The following SEPTIN8 variants were observed in gnomAD, a reference collection of about 807,000 sequenced individuals.
SEPTIN8 encodes the protein septin-8.
SEPTIN8 carries 22 observed loss-of-function variants against 53.1 expected under a neutral mutation model. That is an observed-to-expected ratio of 0.41 (90% CI 0.30 to 0.59). The LOEUF is 0.59. Among genes scored for constraint, SEPTIN8 ranks in the 20% least tolerant of loss-of-function variants. SEPTIN8 has a pLI of 0.24. For missense variants in SEPTIN8, 536 were observed against 638.7 expected (o/e 0.84, Z 1.73); for synonymous variants, 228 against 248.4 (o/e 0.92, Z 0.77).
At chr5:132,754,099 G>C (rs1180843898) in intron 9 of SEPTIN8, 1 of 314,728 alleles carries the variant, frequency 3.2e-6, no homozygotes, top group East Asian at 6.6e-5. Context: ...GTATACATCT[G>C]TATTTTTTCT....
Position 132,761,292 on chromosome 5 carries a change from A to G in SEPTIN8, c.963-27T>C, listed in dbSNP as rs1245397644. ...TGTGGAGACCCAGAGAAAAGAGGCC[A>G]AGGATGGGATTATGACGGAATGGGA... On this transcript the variant is annotated intron_variant, in intron 7 of 9. Transcript: ENST00000378719. This position sits in a 1 kb window ranked among gnomAD's most constrained non-coding sequence, Gnocchi z 5.8. 1 of 1,611,678 alleles carries G rather than the reference A, an allele frequency of 6.2e-7. No individual in the cohort carries two copies. The highest frequency in any genetic ancestry group is 1.3e-5 in the African/African-American group (1 of 74,938).
chr5:132,760,071 A>T lies in SEPTIN8; in HGVS notation c.1286+731T>A. On this transcript the variant is annotated intron_variant, in intron 9 of 9. Transcript: ENST00000378719. The surrounding 1 kb of genome is among the most constrained non-coding windows in gnomAD (Gnocchi z 5.2). ...GCAGCTCTTCTCCCCAAAAGAACCC[A>T]CAGAGCCCCTGTGGGAAGCCGCTTT... Among the ~76,000 whole-genome samples, 1 of 151,920 alleles carries T rather than the reference A, an allele frequency of 6.6e-6. No individual in the cohort carries two copies. Among genetic ancestry groups the T allele is most frequent in the East Asian group, 1.9e-4 (1 of 5,150 alleles).
At position 132,764,400 on chromosome 5, in the gene SEPTIN8, T is replaced by C; in HGVS notation, c.171A>G (p.Lys57=). ...TGAAGAGTGTGTTCATCAGTGTGGA[T>C]TTGCCAATGCCGGTCTCCCCTGGGC... ...ILCVGETGIG[K]STLMNTLFNT... The change falls in exon 3 of 10, where the codon AAA becomes AAG. Residue 57 remains lysine (K), a synonymous_variant. Coordinates refer to ENST00000378719, the MANE Select transcript of SEPTIN8 (RefSeq NM_001098811.2). The C allele has an allele frequency of 1.2e-6, 2 of 1,613,666 alleles. No individual in the cohort carries two copies. Among genetic ancestry groups the C allele is most frequent in the Non-Finnish European group, 1.7e-6 (2 of 1,179,776 alleles).
Position 132,751,909 on chromosome 5 carries a change from T to C in SEPTIN8, c.*107A>G, listed in dbSNP as rs1437107468. 1 of 1,531,660 alleles carries C rather than the reference T, an allele frequency of 6.5e-7. No individual in the cohort carries two copies. Among genetic ancestry groups the C allele is most frequent in the Non-Finnish European group, 8.8e-7 (1 of 1,130,956 alleles). 94.9% of individuals were successfully genotyped at this position (1,531,660 alleles called of 1,614,324 possible). A position where few individuals can be genotyped will look rare whatever the true frequency, so the allele number is the denominator to read the frequency against. On this transcript the variant is annotated 3_prime_UTR_variant, in exon 10 of 10. Transcript: ENST00000378719. ...TTTAAATTGTTTGCACTTTTGATCATTGATATAGGAAAAGTATGGCGTTTT... is the reference window on the plus strand; with the variant it reads ...TTTAAATTGTTTGCACTTTTGATCACTGATATAGGAAAAGTATGGCGTTTT...
chr5:132,777,418 C>T (rs1757913136), upstream of SEPTIN8: 1 of 1,000,374 alleles, frequency 1.0e-6, no homozygotes, highest in South Asian at 4.7e-5. The surrounding 1 kb of genome is among the most constrained non-coding windows in gnomAD (Gnocchi z 4.1). Flanking sequence ...GAGGTGCCAG[C>T]TGCGGGGACT....
Position 132,751,983 on chromosome 5 carries a change from C to T in SEPTIN8, c.*33G>A, listed in dbSNP as rs1480430975. 6.2e-7 allele frequency: 1 copy of T among 1,611,448 alleles called. No individual in the cohort carries two copies. Among genetic ancestry groups the T allele is most frequent in the Admixed American group, 1.7e-5 (1 of 59,790 alleles). On this transcript the variant is annotated 3_prime_UTR_variant, in exon 10 of 10. Coordinates refer to ENST00000378719, the MANE Select transcript of SEPTIN8 (RefSeq NM_001098811.2). ...GTCTCCAGTTCCATGCCCTGGTGGT[C>T]CTGAGCTGGCCCCATGTGTTGGAGC...
Position 132,758,816 on chromosome 5 carries a change from G to A in SEPTIN8, c.1286+1986C>T, listed in dbSNP as rs375350369. ...CCACTCTTGACATGTAAGTCTGTGCGTGCGTTAACTGAAAAATAAAAATAA... is the reference window on the plus strand; with the variant it reads ...CCACTCTTGACATGTAAGTCTGTGCATGCGTTAACTGAAAAATAAAAATAA... On this transcript the variant is annotated intron_variant, in intron 9 of 9. Coordinates refer to ENST00000378719, the MANE Select transcript of SEPTIN8 (RefSeq NM_001098811.2). 193 of 1,613,814 alleles carry A rather than the reference G, an allele frequency of 1.2e-4. 1 individual carries two copies. In the South Asian group the frequency reaches 1.8e-3, roughly 15 times the overall value.
Position 132,777,100 on chromosome 5 carries a change from G to A in SEPTIN8, c.30+8C>T, listed in dbSNP as rs1185796002. On this transcript the variant is annotated splice_region_variant and intron_variant, in intron 1 of 9. Transcript: ENST00000378719. This position sits in a 1 kb window ranked among gnomAD's most constrained non-coding sequence, Gnocchi z 4.1. The stretch of plus-strand genomic sequence containing the variant: ...CCCGCGCGCGCCGTGGCCCAGCGGG[G>A]CCCTCACCGAGAAGCGCTCCAGGTC... 9 of 1,151,878 alleles carry A rather than the reference G, an allele frequency of 7.8e-6. No homozygotes were observed. Among genetic ancestry groups the A allele is most frequent in the Non-Finnish European group, 9.6e-6 (9 of 937,278 alleles). 71.4% of individuals were successfully genotyped at this position (1,151,878 alleles called of 1,614,324 possible). A position where few individuals can be genotyped will look rare whatever the true frequency, so the allele number is the denominator to read the frequency against.
At chr5:132,769,211 A>T (rs925166547) in intron 1 of SEPTIN8, among the ~76,000 whole-genome samples, 5 of 152,282 alleles carry the variant, frequency 3.3e-5, no homozygotes, top group Admixed American at 6.5e-5. Context: ...CAGGGGAGGA[A>T]ACTGAAGCAC....
At chr5:132,762,109 G>C (rs947874476) in intron 5 of SEPTIN8, among the ~76,000 whole-genome samples, 20 of 152,146 alleles carry the variant, frequency 1.3e-4, no homozygotes, top group African/African-American at 4.3e-4. Context: ...TGGTGCTCCT[G>C]ATTCTCCAGG....
At chr5:132,756,100 G>A (rs1043437944) in intron 9 of SEPTIN8, 9 of 985,310 alleles carry the variant, frequency 9.1e-6, no homozygotes, top group East Asian at 1.1e-4. Flanking sequence ...GAATTAACAC[G>A]TGAAGCAATT....
chr5:132,758,661 G>C lies in SEPTIN8; in HGVS notation c.1286+2141C>G. The C allele has an allele frequency of 2.5e-6, 4 of 1,592,436 alleles. No individual in the cohort carries two copies. In the South Asian group the frequency reaches 3.4e-5, roughly 13 times the overall value. On this transcript the variant is annotated intron_variant, in intron 9 of 9. Transcript: ENST00000378719. The stretch of plus-strand genomic sequence containing the variant: ...CAGGCCCGGGGCAGCCTGGGGCCAG[G>C]GTCGGTGGGAGGAAAGCAAGGCTGT...
At chr5:132,778,111 C>G (rs1409369871), upstream of SEPTIN8, 2 of 980,288 alleles carry the variant, frequency 2.0e-6, no homozygotes, top group Admixed American at 1.2e-4. Context: ...TCAGGAGGTT[C>G]TGTATCCTTC....
Position 132,757,529 on chromosome 5 carries a change from C to T in SEPTIN8, c.1286+3273G>A, listed in dbSNP as rs1755454650. 11 of 985,406 alleles carry T rather than the reference C, an allele frequency of 1.1e-5. No homozygotes were observed. The South Asian group carries it at 1.4e-4, about 13-fold the overall frequency. 61.0% of individuals were successfully genotyped at this position (985,406 alleles called of 1,614,324 possible). A position where few individuals can be genotyped will look rare whatever the true frequency, so the allele number is the denominator to read the frequency against. On this transcript the variant is annotated intron_variant, in intron 9 of 9. Coordinates refer to ENST00000378719, the MANE Select transcript of SEPTIN8 (RefSeq NM_001098811.2). The stretch of plus-strand genomic sequence containing the variant: ...CTACCAATTCCACAATAAATTAGCA[C>T]GTCTTCCTGAGGCTTCCAGCCAGGG...
chr5:132,753,224 G>A (rs922977881), intron 9 of SEPTIN8: 3 of 481,860 alleles, frequency 6.2e-6, no homozygotes, highest in Non-Finnish European at 1.1e-5. Flanking sequence ...CTCTGGGCCT[G>A]AAGCCAGGGA....
In SEPTIN8 at chr5:132,756,593, G is replaced by A. The variant is rs527597363; in HGVS notation, c.1286+4209C>T. The A allele has an allele frequency of 1.1e-4, 105 of 985,426 alleles. No individual in the cohort carries two copies. The African/African-American group carries it at 1.7e-3, about 16-fold the overall frequency. 61.0% of individuals were successfully genotyped at this position (985,426 alleles called of 1,614,324 possible). A position where few individuals can be genotyped will look rare whatever the true frequency, so the allele number is the denominator to read the frequency against. The stretch of plus-strand genomic sequence containing the variant: ...TTTTAAGCTCACTTTATGCACCAAG[G>A]TTTAATTTGGTCTCAGCTAAAGAAG... On this transcript the variant is annotated intron_variant, in intron 9 of 9. Coordinates refer to ENST00000378719, the MANE Select transcript of SEPTIN8 (RefSeq NM_001098811.2).
chr5:132,779,085 C>T (rs1757991014), upstream of SEPTIN8, among the ~76,000 whole-genome samples: 1 of 152,208 alleles, frequency 6.6e-6, no homozygotes, highest in African/African-American at 2.4e-5. Flanking sequence ...CAGGTGACTT[C>T]CTTCTTTTGG....
chr5:132,764,956 A>T lies in SEPTIN8; in HGVS notation c.151+453T>A, dbSNP rs1756431251. On this transcript the variant is annotated intron_variant, in intron 2 of 9. Coordinates refer to ENST00000378719, the MANE Select transcript of SEPTIN8 (RefSeq NM_001098811.2). ...GAAGAGCACTTTGTGTCCTTCTGGG[A>T]GTCCCAGGGAACCTCCGAGAGCCTC... 2.0e-5 allele frequency among the ~76,000 whole-genome samples: 3 copies of T among 151,936 alleles called. No homozygotes were observed. The South Asian group carries it at 6.2e-4, about 32-fold the overall frequency.
At chr5:132,771,711 G>A (rs1048877514) in intron 1 of SEPTIN8, among the ~76,000 whole-genome samples, 2 of 152,206 alleles carry the variant, frequency 1.3e-5, no homozygotes, top group Non-Finnish European at 2.9e-5. Context: ...CCAGAGCAGA[G>A]GCCTCTAGCC....
Sources: allele counts gnomAD v4.1 joint callset (sites outside exome capture counted in the v4.1 genomes callset), GRCh38; gene constraint gnomAD v4.1.1; non-coding constraint Gnocchi (gnomAD v3.1); transcripts MANE v1.5; gene names NCBI Gene and HGNC (gene_info 2026-07-23, HGNC 2026-07-21).